METTL8: variants seen among roughly 807,000 people sequenced by gnomAD.
METTL8 encodes the protein tRNA N(3)-cytidine methyltransferase METTL8, mitochondrial.
In METTL8, 32 loss-of-function variants were observed where a neutral mutation model predicts 48.7. The observed-to-expected ratio is 0.66, with a 90% CI of 0.50 to 0.88. The LOEUF (loss-of-function observed/expected upper bound fraction) is 0.88. Among genes scored for constraint, METTL8 ranks in the 40% least tolerant of loss-of-function variants. METTL8 has a pLI of 0.00. For missense variants in METTL8, 464 were observed against 474.4 expected (o/e 0.98, Z 0.20); for synonymous variants, 136 against 157.1 (o/e 0.87, Z 1.01).
At chr2:171,402,269 A>C (rs1689720590) in intron 1 of METTL8, among the ~76,000 whole-genome samples, 1 of 152,166 alleles carries the variant, frequency 6.6e-6, no homozygotes, top group Non-Finnish European at 1.5e-5. Flanking sequence ...ATATAGAAAA[A>C]GGTGCTGACC....
intron 3 of METTL8, among the ~76,000 whole-genome samples, chr2:171,357,148 AG>A (rs1684672030): frequency 6.6e-6 from 1 of 151,716 alleles, no homozygotes; most frequent in African/African-American, 2.4e-5. Flanking sequence ...TAGTAGAGAT[AG>A]GGTTTCACCA....
intron 6 of METTL8, 116 bp from the exon 7 acceptor site, chr2:171,330,814 G>A: frequency 1.3e-6 from 1 of 783,702 alleles, no homozygotes; most frequent in Non-Finnish European, 2.0e-6. Flanking sequence ...CCTTTCCTCT[G>A]TCAGTCTGAA....
At chr2:171,432,339 TAA>T (rs1210932393) in intron 1 of METTL8, among the ~76,000 whole-genome samples, 1 of 152,046 alleles carries the variant, frequency 6.6e-6, no homozygotes, top group African/African-American at 2.4e-5. Flanking sequence ...ATGAGATGGA[TAA>T]GAGTCTAAAG....
intron 2 of METTL8, among the ~76,000 whole-genome samples, chr2:171,386,769 ATGT>A (rs1448576476): frequency 6.6e-6 from 1 of 151,966 alleles, no homozygotes; most frequent in African/African-American, 2.4e-5. Context: ...TCCTGCCCAA[ATGT>A]TGTATTTTCC....
At chr2:171,340,521 A>G (rs1242015131) in intron 3 of METTL8, among the ~76,000 whole-genome samples, 2 of 150,414 alleles carry the variant, frequency 1.3e-5, no homozygotes, top group Admixed American at 6.6e-5. Context: ...AAAAAAAAAA[A>G]GAGCCTGGAG....
intron 2 of METTL8, among the ~76,000 whole-genome samples, chr2:171,380,194 A>G (rs1687373257): frequency 6.6e-6 from 1 of 152,216 alleles, no homozygotes; most frequent in African/African-American, 2.4e-5. Context: ...AATAAAATTC[A>G]ACATCCCTTC....
chr2:171,434,715 C>G (rs1274107418), upstream of METTL8: 15 of 1,450,738 alleles, frequency 1.0e-5, no homozygotes, highest in African/African-American at 6.0e-5. Flanking sequence ...TGACCGCCAG[C>G]CGGCCGGGGC....
chr2:171,357,870 A>G (rs926249159), intron 3 of METTL8, among the ~76,000 whole-genome samples: 3 of 152,002 alleles, frequency 2.0e-5, no homozygotes, highest in African/African-American at 7.2e-5. Context: ...TAATTTTTGT[A>G]TTTTTTGTAG....
chr2:171,394,099 C>G (rs1168952645), intron 1 of METTL8, among the ~76,000 whole-genome samples: 1 of 152,208 alleles, frequency 6.6e-6, no homozygotes, highest in Non-Finnish European at 1.5e-5. Context: ...CACCTTTACC[C>G]TGATGTGCCT....
chr2:171,344,566 T>C (rs1272865874), intron 3 of METTL8, among the ~76,000 whole-genome samples: 2 of 152,178 alleles, frequency 1.3e-5, no homozygotes, highest in East Asian at 1.9e-4. Context: ...AGATCAGAAA[T>C]ACATAATTAA....
At chr2:171,347,493 T>TC (rs1055670670) in intron 3 of METTL8, among the ~76,000 whole-genome samples, 52 of 152,312 alleles carry the variant, frequency 3.4e-4, no homozygotes, top group African/African-American at 1.1e-3. Flanking sequence ...TCAGCACTGC[T>TC]CATCTATTTA....
At chr2:171,425,495 T>C (rs1692312825) in intron 1 of METTL8, among the ~76,000 whole-genome samples, 2 of 152,198 alleles carry the variant, frequency 1.3e-5, no homozygotes, top group Admixed American at 1.3e-4. Flanking sequence ...AGAAGCAGAC[T>C]GCCAGGTTGT....
chr2:171,422,427 T>G (rs1041913786), intron 1 of METTL8, among the ~76,000 whole-genome samples: 12 of 152,234 alleles, frequency 7.9e-5, no homozygotes, highest in Non-Finnish European at 1.6e-4. Context: ...GACCTCAAGT[T>G]AAGCAATTCT....
chr2:171,417,951 C>CT lies in METTL8; in HGVS notation c.-13+15931dup, dbSNP rs796268123. ...ATTACATGAGATCATGTCATCATGT[C>CT]TTTTTTTTTTGAGATGGAGTCTCAC... On this transcript the variant is annotated intron_variant, in intron 1 of 9. Coordinates refer to ENST00000375258, the MANE Select transcript of METTL8 (RefSeq NM_001321154.2). 4.3e-3 allele frequency among the ~76,000 whole-genome samples: 640 copies of CT among 149,172 alleles called. 2 individuals are homozygous for CT. The highest frequency in any genetic ancestry group is 0.012 in the African/African-American group (494 of 40,844).
At chr2:171,402,029 A>G (rs1258934028) in intron 1 of METTL8, among the ~76,000 whole-genome samples, 1 of 152,192 alleles carries the variant, frequency 6.6e-6, no homozygotes, top group African/African-American at 2.4e-5. Flanking sequence ...CATGATATAT[A>G]GTAAAGGTAA....
intron 1 of METTL8, among the ~76,000 whole-genome samples, chr2:171,423,220 C>T (rs1473330121): frequency 6.6e-6 from 1 of 152,174 alleles, no homozygotes; most frequent in Non-Finnish European, 1.5e-5. Flanking sequence ...GACAATTAAA[C>T]CTCTTCCCTT....
intron 6 of METTL8, 73 bp from the exon 7 acceptor site, chr2:171,330,771 A>G: frequency 7.7e-7 from 1 of 1,306,780 alleles, no homozygotes; most frequent in Non-Finnish European, 1.1e-6. Context: ...TTTTAAATAA[A>G]AAGGTCAAAT....
At chr2:171,387,642 A>C (rs1688205299) in intron 2 of METTL8, among the ~76,000 whole-genome samples, 1 of 152,032 alleles carries the variant, frequency 6.6e-6, no homozygotes, top group Non-Finnish European at 1.5e-5. Context: ...TTAACATATA[A>C]TTCAATATAA....
At chr2:171,378,647 A>C (rs552739351) in intron 2 of METTL8, among the ~76,000 whole-genome samples, 1 of 152,220 alleles carries the variant, frequency 6.6e-6, no homozygotes, top group East Asian at 1.9e-4. Flanking sequence ...TAAAAATAAA[A>C]AAATAAAAAA....
Sources: gnomAD v4.1 joint callset for allele counts (sites outside exome capture counted in the v4.1 genomes callset) on GRCh38, gnomAD v4.1.1 for gene constraint, MANE v1.5 for transcripts, NCBI Gene and HGNC (gene_info 2026-07-23, HGNC 2026-07-21) for gene names.